The following NCAPD3 variants were observed in gnomAD, a reference collection of about 807,000 sequenced individuals.
The protein encoded by NCAPD3 is non-SMC condensin II complex subunit D3.
In NCAPD3, 105 loss-of-function variants were observed where a neutral mutation model predicts 182.9. The observed-to-expected ratio is 0.57, with a 90% CI of 0.49 to 0.68. NCAPD3 has a LOEUF of 0.68. Among genes scored for constraint, NCAPD3 ranks in the 30% least tolerant of loss-of-function variants. The pLI, the probability that NCAPD3 is intolerant of heterozygous loss-of-function variation, is 0.00. For synonymous variants in NCAPD3, 815 were observed against 679.9 expected, an observed-to-expected ratio of 1.20 and a Z score of -3.09; for missense variants, 1,944 against 1,837.0, an observed-to-expected ratio of 1.06 and a Z score of -1.07.
chr11:134,152,745 C>CTAT lies in NCAPD3; in HGVS notation c.*196_*198dup. ...AAGAAAATCTAAATCTGGCACATCTCTATTATTTGACAGTGTTTAACCAAA... is the reference window on the plus strand; with the variant it reads ...AAGAAAATCTAAATCTGGCACATCTCTATTATTATTTGACAGTGTTTAACCAAA... On this transcript the variant is annotated 3_prime_UTR_variant, in exon 35 of 35. Coordinates refer to ENST00000534548, the MANE Select transcript of NCAPD3 (RefSeq NM_015261.3). 4.2e-6 allele frequency: 2 copies of CTAT among 475,026 alleles called. No individual in the cohort carries two copies. Among genetic ancestry groups the CTAT allele is most frequent in the Non-Finnish European group, 3.7e-6 (1 of 271,580 alleles). The allele number at this position is 475,026 out of a possible 1,614,324, so 29.4% of individuals were successfully genotyped here.
chr11:134,214,549 G>A (rs899497321), intron 3 of NCAPD3, among the ~76,000 whole-genome samples: 2 of 152,032 alleles, frequency 1.3e-5, no homozygotes, highest in Non-Finnish European at 2.9e-5. Context: ...AAAGGAAATC[G>A]TAGACATAAG....
chr11:134,177,582 T>G (rs1944200779), intron 22 of NCAPD3, 125 bp from the exon 23 acceptor site: 11 of 813,760 alleles, frequency 1.4e-5, no homozygotes, highest in Admixed American at 2.7e-5. Flanking sequence ...ATGCCCACAA[T>G]CACAAACAAC....
chr11:134,164,738 G>C (rs924563634), intron 27 of NCAPD3, among the ~76,000 whole-genome samples: 1 of 151,942 alleles, frequency 6.6e-6, no homozygotes, highest in Non-Finnish European at 1.5e-5. Context: ...TGAGTTTAGG[G>C]AGCTTCACAC....
intron 1 of NCAPD3, among the ~76,000 whole-genome samples, chr11:134,221,246 G>A (rs2136035281): frequency 6.6e-6 from 1 of 152,318 alleles, no homozygotes; most frequent in Middle Eastern, 3.4e-3. Context: ...AATACTTGGT[G>A]ACTTTAAAAC....
Position 134,221,415 on chromosome 11 carries a change from T to G in NCAPD3, c.65-689A>C, listed in dbSNP as rs373500241. 1.8e-4 allele frequency among the ~76,000 whole-genome samples: 27 copies of G among 152,210 alleles called. No homozygotes were observed. The East Asian group carries it at 3.7e-3, about 21-fold the overall frequency. ...TTAACTTAAAGTTTTTGGGTACATG[T>G]GCACAACATGCAGGTTTGTTACATA... On this transcript the variant is annotated intron_variant, in intron 1 of 34. Coordinates refer to ENST00000534548, the MANE Select transcript of NCAPD3 (RefSeq NM_015261.3).
intron 19 of NCAPD3, among the ~76,000 whole-genome samples, chr11:134,182,368 T>C (rs927486307): frequency 6.6e-6 from 1 of 152,238 alleles, no homozygotes; most frequent in African/African-American, 2.4e-5. Context: ...TTTCCATTCA[T>C]TGGTCCAGAT....
chr11:134,194,651 G>C lies in NCAPD3; in HGVS notation c.1689+14C>G. The C allele has an allele frequency of 5.1e-6, 8 of 1,557,812 alleles. No homozygotes were observed. The highest frequency in any genetic ancestry group is 6.9e-6 in the Non-Finnish European group (8 of 1,153,446). ...TAGTGCTTAAAAAAAAAAATGTGCA[G>C]AGAAAACTCCCACCTGCAGTGCAGA... On this transcript the variant is annotated intron_variant, in intron 14 of 34. Transcript: ENST00000534548.
chr11:134,168,863 T>C, intron 25 of NCAPD3, 54 bp downstream of exon 25: 3 of 1,571,948 alleles, frequency 1.9e-6, no homozygotes, highest in Non-Finnish European at 2.6e-6. Context: ...CCTCCCCTGA[T>C]TCCCCCAGCT....
At chr11:134,184,849 A>ACC (rs1479644813) in intron 18 of NCAPD3, 54 bp downstream of exon 18, 6 of 1,376,910 alleles carry the variant, frequency 4.4e-6, no homozygotes, top group African/African-American at 3.0e-5. Flanking sequence ...ACACACACAC[A>ACC]CCTGAAATGA....
chr11:134,209,180 C>T lies in NCAPD3; in HGVS notation c.759G>A (p.Glu253=), dbSNP rs141095896. 1.9e-6 allele frequency: 3 copies of T among 1,613,092 alleles called. No homozygotes were observed. Among genetic ancestry groups the T allele is most frequent in the African/African-American group, 1.3e-5 (1 of 74,816 alleles). The change falls in exon 6 of 35, where the codon GAG becomes GAA. Residue 253 remains glutamate (E), a synonymous_variant. Transcript: ENST00000534548. ...TAACATGACATTCATGAAGAACTGG[C>T]TCAAAATTAGTTAATGAAACAAAGA... ...IEVFVSLTNF[E]PVLHECHVTQ... is the part of the protein sequence containing the mutation.
chr11:134,187,252 G>A (rs902627333), intron 16 of NCAPD3, among the ~76,000 whole-genome samples: 13 of 152,152 alleles, frequency 8.5e-5, no homozygotes, highest in African/African-American at 3.1e-4. Flanking sequence ...CTGAGACTCT[G>A]GTCCACCAGT....
At chr11:134,205,907 C>T (rs572194983) in intron 8 of NCAPD3, among the ~76,000 whole-genome samples, 63 of 152,328 alleles carry the variant, frequency 4.1e-4, no homozygotes, top group African/African-American at 1.5e-3. Context: ...TCTCCAACTA[C>T]CCTGCACACT....
chr11:134,165,350 G>T (rs972606196), intron 27 of NCAPD3, among the ~76,000 whole-genome samples: 1 of 151,288 alleles, frequency 6.6e-6, no homozygotes, highest in Non-Finnish European at 1.5e-5. Flanking sequence ...GCACACTCAT[G>T]AGCTTGGGAA....
rs764802214 is a variant in NCAPD3, at chr11:134,153,188, C to A, written c.4340G>T (p.Gly1447Val). Residue 1447 changes from glycine to valine, a missense_variant, in exon 34 of 35, where the codon GGC (glycine) becomes GTC (valine). By Grantham distance (109) the Gly-to-Val change is moderately radical (BLOSUM62 -3). This residue lies in a region of NCAPD3 where 1,803 missense variants were observed against 1,674.6 expected (regional missense o/e 1.08). Coordinates refer to ENST00000534548, the MANE Select transcript of NCAPD3 (RefSeq NM_015261.3). ...TAAGATGTCATTTCCTTGACTCCGG[C>A]CTTCAATTTTCTCTAAAAGGGAGTC... ...TPSSAKEKIEGRSQGNDILCL... is the reference protein window; with the variant it reads ...TPSSAKEKIEVRSQGNDILCL... 1.2e-6 allele frequency: 2 copies of A among 1,614,140 alleles called. No homozygotes were observed. Among genetic ancestry groups the A allele is most frequent in the African/African-American group, 1.3e-5 (1 of 75,052 alleles).
chr11:134,173,854 G>A (rs1254000376), intron 24 of NCAPD3, among the ~76,000 whole-genome samples: 8 of 151,844 alleles, frequency 5.3e-5, no homozygotes, highest in African/African-American at 1.7e-4. Context: ...CCAGCTACTC[G>A]GGAGGCTGAG....
rs1046961121 is a variant in NCAPD3 at position 134,168,039 on chromosome 11, G to C, written c.3530C>G (p.Ala1177Gly). The change falls in exon 27 of 35, where the codon GCA becomes GGA. Residue 1177 changes from alanine (A) to glycine (G), a missense_variant. Ala to Gly is a moderately conservative substitution (Grantham distance 60, BLOSUM62 0). Coordinates refer to ENST00000534548, the MANE Select transcript of NCAPD3 (RefSeq NM_015261.3). ...CTGAGCTTCCTGCATGACTACATTT[G>C]CCAAGGCCATGTCATCTTCTTCCAT... ...LLMEEDDMAL[A>G]NVVMQEAQKK... The C allele has an allele frequency of 7.4e-6, 12 of 1,613,980 alleles. No individual in the cohort carries two copies. Among genetic ancestry groups the C allele is most frequent in the Non-Finnish European group, 1.0e-5 (12 of 1,179,982 alleles).
chr11:134,192,554 G>T, intron 16 of NCAPD3, 135 bp downstream of exon 16: 1 of 716,104 alleles, frequency 1.4e-6, no homozygotes, highest in East Asian at 2.7e-5. Context: ...CAGGGAAAGA[G>T]AGACCAATAC....
At position 134,153,450 on chromosome 11, in the gene NCAPD3, T is replaced by C. The variant is rs556034491; in HGVS notation, c.4253-87A>G. On this transcript the variant is annotated intron_variant, in intron 32 of 34. Coordinates refer to ENST00000534548, the MANE Select transcript of NCAPD3 (RefSeq NM_015261.3). Reference sequence around the variant, plus strand: ...AGTTGTCCGTGGGACGTAGGCAGGGTGTCCACATCAGTGTCCCAGCGGCGG... The same window carrying C: ...AGTTGTCCGTGGGACGTAGGCAGGGCGTCCACATCAGTGTCCCAGCGGCGG... 6.0e-5 allele frequency: 83 copies of C among 1,373,680 alleles called. No homozygotes were observed. The East Asian group carries it at 6.6e-4, about 11-fold the overall frequency. The allele number at this position is 1,373,680 out of a possible 1,614,324, so 85.1% of individuals were successfully genotyped here.
chr11:134,212,904 A>C (rs1300677214), intron 3 of NCAPD3, among the ~76,000 whole-genome samples: 1 of 152,228 alleles, frequency 6.6e-6, no homozygotes, highest in Non-Finnish European at 1.5e-5. Flanking sequence ...TTGAGCAAAA[A>C]ACAGGTTTAA....
Sources: gnomAD v4.1 joint callset for allele counts (sites outside exome capture counted in the v4.1 genomes callset) on GRCh38, gnomAD v4.1.1 for gene constraint, gnomAD v4.1.1 regional missense constraint, MANE v1.5 for transcripts, NCBI Gene and HGNC (gene_info 2026-07-23, HGNC 2026-07-21) for gene names.